Variants in ZNF827 observed in about 807,000 individuals in gnomAD.
ZNF827 encodes the protein zinc finger protein 827.
Under a neutral mutation model 102.4 loss-of-function variants are expected in ZNF827, and 13 were observed. The ratio of observed to expected loss-of-function variants is 0.13; its 90% CI spans 0.08 to 0.20. The LOEUF (loss-of-function observed/expected upper bound fraction) is 0.20. ZNF827 is among the 10% of genes least tolerant of loss of function. ZNF827 has a pLI of 1.00. For missense variants in ZNF827, 1,103 were observed against 1,344.4 expected, an observed-to-expected ratio of 0.82 and a Z score of 2.81; for synonymous variants, 523 against 536.2, an observed-to-expected ratio of 0.98 and a Z score of 0.34.
rs532422792 is a variant in ZNF827 at position 145,808,990 on chromosome 4, G to A, written c.2383+14432C>T. ...TAATTTTTAAATTTTTTGCAGAGGCGGGGTCTTGCTACATTGCCCAGGCTG... is the reference window on the plus strand; with the variant it reads ...TAATTTTTAAATTTTTTGCAGAGGCAGGGTCTTGCTACATTGCCCAGGCTG... On this transcript the variant is annotated intron_variant, in intron 8 of 14. Transcript: ENST00000508784. Among the ~76,000 whole-genome samples, 7 of 151,966 alleles carry A rather than the reference G, an allele frequency of 4.6e-5. No homozygotes were observed. In the East Asian group the frequency reaches 1.4e-3, roughly 29 times the overall value.
At chr4:145,866,184 C>T (rs1748177367) in intron 5 of ZNF827, among the ~76,000 whole-genome samples, 1 of 152,158 alleles carries the variant, frequency 6.6e-6, no homozygotes, top group Non-Finnish European at 1.5e-5. Flanking sequence ...GCATCTTCTA[C>T]TAAATTCTTC....
Position 145,761,745 on chromosome 4 carries a change from AG to A in ZNF827, c.*18-148del, listed in dbSNP as rs1734540428. 1 of 443,982 alleles carries A rather than the reference AG, an allele frequency of 2.3e-6. No homozygotes were observed. Among genetic ancestry groups the A allele is most frequent in the African/African-American group, 2.1e-5 (1 of 48,134 alleles). The allele number at this position is 443,982 out of a possible 1,614,324, so 27.5% of individuals were successfully genotyped here. The stretch of plus-strand genomic sequence containing the variant: ...GCCCAGCCCAGCCCTGCCGCCTCTC[AG>A]GGGTGGAACGGCCCTTTTTGGCTCT... On this transcript the variant is annotated intron_variant, in intron 14 of 14. Transcript: ENST00000508784. This position sits in a 1 kb window ranked among gnomAD's most constrained non-coding sequence, Gnocchi z 6.8.
intron 10 of ZNF827, 71 bp downstream of exon 10, chr4:145,775,718 G>T: frequency 1.3e-6 from 2 of 1,576,702 alleles, no homozygotes; most frequent in Non-Finnish European, 8.7e-7. Context: ...TATGCCCACA[G>T]CAGACAGGTA....
intron 7 of ZNF827, among the ~76,000 whole-genome samples, chr4:145,826,317 T>C (rs1444257774): frequency 6.6e-6 from 1 of 152,256 alleles, no homozygotes; most frequent in Non-Finnish European, 1.5e-5. Flanking sequence ...AGATGTTTCA[T>C]GTTAAAGTTC....
chr4:145,828,487 C>A (rs1743896787), intron 7 of ZNF827, among the ~76,000 whole-genome samples: 1 of 152,142 alleles, frequency 6.6e-6, no homozygotes, highest in Non-Finnish European at 1.5e-5. Context: ...TGGCCCGGGT[C>A]AAAGACAGGC....
intron 8 of ZNF827, among the ~76,000 whole-genome samples, chr4:145,819,374 T>C (rs1389750358): frequency 6.6e-6 from 1 of 152,194 alleles, no homozygotes; most frequent in African/African-American, 2.4e-5. Flanking sequence ...AGCTCCACGT[T>C]GTTTAAAAGC....
At chr4:145,810,419 CT>C (rs1277187243) in intron 8 of ZNF827, among the ~76,000 whole-genome samples, 1 of 151,680 alleles carries the variant, frequency 6.6e-6, no homozygotes, top group African/African-American at 2.4e-5. Context: ...TCCCACTTTA[CT>C]TTTTTAACTT....
chr4:145,910,656 C>A (rs1392655882), intron 1 of ZNF827, among the ~76,000 whole-genome samples: 1 of 152,200 alleles, frequency 6.6e-6, no homozygotes, highest in East Asian at 1.9e-4. Flanking sequence ...TCTCAACCAG[C>A]AGCCAAAGTA....
chr4:145,892,397 C>G lies in ZNF827; in HGVS notation c.1112G>C (p.Gly371Ala), dbSNP rs199562651. 2 of 1,613,604 alleles carry G rather than the reference C, an allele frequency of 1.2e-6. No individual in the cohort carries two copies. The highest frequency in any genetic ancestry group is 1.7e-6 in the Non-Finnish European group (2 of 1,179,730). ...ACATATTGGACACTGGAAAGGCTTT[C>G]CACTTTCCTCTTCTGAGGCTTGGAA... ...PSNSASEEES[G>A]KPFQCPICGL... Residue 371 changes from glycine (G) to alanine (A), a missense_variant, in exon 3 of 15, where the codon GGA becomes GCA. This residue lies in a region of ZNF827 where 441 missense variants were observed against 458.6 expected (regional missense o/e 0.96). Transcript: ENST00000508784.
intron 1 of ZNF827, among the ~76,000 whole-genome samples, chr4:145,928,774 T>G (rs1290509700): frequency 6.6e-6 from 1 of 152,170 alleles, no homozygotes; most frequent in Non-Finnish European, 1.5e-5. Context: ...CAAAGAATGC[T>G]GGGGAATGCA....
intron 1 of ZNF827, among the ~76,000 whole-genome samples, chr4:145,922,228 A>G (rs926682319): frequency 3.9e-5 from 6 of 152,238 alleles, no homozygotes; most frequent in African/African-American, 1.4e-4. Flanking sequence ...TATGTAGACA[A>G]CTTAGAGTAG....
rs1255605234 is a variant in ZNF827, at chr4:145,760,362, C to G, written c.*1254G>C. ...TCAGAATCCACAAACGCCCACACAC[C>G]GCATTCACCCAACAGAAAACCAAAT... On this transcript the variant is annotated 3_prime_UTR_variant, in exon 15 of 15. Coordinates refer to ENST00000508784, the MANE Select transcript of ZNF827 (RefSeq NM_001306215.2). 2.0e-5 allele frequency: 3 copies of G among 152,358 alleles called. No individual in the cohort carries two copies. In the South Asian group the frequency reaches 6.2e-4, roughly 32 times the overall value. The allele number at this position is 152,358 out of a possible 1,614,324, so 9.4% of individuals were successfully genotyped here.
At chr4:145,918,692 G>A (rs934488583) in intron 1 of ZNF827, among the ~76,000 whole-genome samples, 5 of 152,122 alleles carry the variant, frequency 3.3e-5, no homozygotes, top group Non-Finnish European at 7.3e-5. Flanking sequence ...CTCGGGCAAG[G>A]TTGGGCTCTA....
intron 7 of ZNF827, among the ~76,000 whole-genome samples, chr4:145,829,229 TAAAG>T (rs1221640328): frequency 2.0e-5 from 3 of 152,024 alleles, no homozygotes; most frequent in African/African-American, 4.8e-5. Context: ...AAAGATTAAA[TAAAG>T]AAAGACTGCA....
intron 4 of ZNF827, among the ~76,000 whole-genome samples, chr4:145,872,416 AG>A (rs1476507744): frequency 6.6e-6 from 1 of 152,172 alleles, no homozygotes; most frequent in Non-Finnish European, 1.5e-5. Flanking sequence ...ACAAGGAGAG[AG>A]GCCTCAGGAG....
intron 4 of ZNF827, among the ~76,000 whole-genome samples, chr4:145,883,103 C>T (rs1281353654): frequency 6.6e-6 from 1 of 151,744 alleles, no homozygotes; most frequent in Admixed American, 6.6e-5. Context: ...TATTCCTTTC[C>T]TTTTAACTTA....
At chr4:145,921,984 T>C (rs1478671998) in intron 1 of ZNF827, among the ~76,000 whole-genome samples, 1 of 152,190 alleles carries the variant, frequency 6.6e-6, no homozygotes, top group Non-Finnish European at 1.5e-5. Context: ...ATTGAAAACA[T>C]TACTTTTAGT....
intron 1 of ZNF827, among the ~76,000 whole-genome samples, chr4:145,933,445 T>C (rs927480833): frequency 2.0e-5 from 3 of 152,228 alleles, no homozygotes; most frequent in Non-Finnish European, 2.9e-5. Context: ...TCAATCTTTC[T>C]TTCTCTTTCA....
intron 4 of ZNF827, among the ~76,000 whole-genome samples, chr4:145,884,846 T>C (rs1458372271): frequency 6.6e-6 from 1 of 152,204 alleles, no homozygotes; most frequent in African/African-American, 2.4e-5. Flanking sequence ...GGGCAGTTTT[T>C]TTAAAAAAAG....
Sources: allele counts gnomAD v4.1 joint callset (sites outside exome capture counted in the v4.1 genomes callset), GRCh38; gene constraint gnomAD v4.1.1; regional missense constraint gnomAD v4.1.1; non-coding constraint Gnocchi (gnomAD v3.1); transcripts MANE v1.5; gene names NCBI Gene and HGNC (gene_info 2026-07-23, HGNC 2026-07-21).